Variants in CACNG4 observed in about 807,000 individuals in gnomAD.
The protein encoded by CACNG4 is voltage-dependent calcium channel gamma-4 subunit.
CACNG4 carries 8 observed loss-of-function variants against 22.9 expected under a neutral mutation model. The ratio of observed to expected loss-of-function variants is 0.35; its 90% confidence interval spans 0.21 to 0.63. CACNG4 has a LOEUF of 0.63. Among genes scored for constraint, CACNG4 ranks in the 30% least tolerant of loss-of-function variants. CACNG4 has a pLI of 0.72. For synonymous variants in CACNG4, 188 were observed against 191.9 expected (o/e 0.98, Z 0.17); for missense variants, 357 against 455.4 (o/e 0.78, Z 1.97).
At chr17:67,006,002 C>T (rs1162658356) in intron 1 of CACNG4, among the ~76,000 whole-genome samples, 3 of 152,138 alleles carry the variant, frequency 2.0e-5, no homozygotes, top group South Asian at 2.1e-4. Flanking sequence ...CCAAGGGGCC[C>T]GACATTATCC....
rs372072866 is a variant in CACNG4, at chr17:67,024,966, C to T, written c.411C>T (p.Ile137=). The T allele has an allele frequency of 8.9e-5, 143 of 1,604,730 alleles. 1 individual carries two copies. Among genetic ancestry groups the T allele is most frequent in the South Asian group, 1.2e-4 (11 of 89,580 alleles). ...AGRIYSRKNN[I]VLSAGILFVA... is the part of the protein sequence containing the mutation. ...GGATCTACAGCCGCAAGAACAACAT[C>T]GTCCTCAGTGCCGGCATCCTCTTCG... The change falls in exon 3 of 4, where the codon ATC becomes ATT. Residue 137 remains isoleucine (I), a synonymous_variant. Coordinates refer to ENST00000262138, the MANE Select transcript of CACNG4 (RefSeq NM_014405.4).
chr17:66,980,838 C>CAT (rs2035267942), intron 1 of CACNG4, among the ~76,000 whole-genome samples: 4 of 152,022 alleles, frequency 2.6e-5, no homozygotes, highest in Non-Finnish European at 5.9e-5. Flanking sequence ...AGGCTGGTCT[C>CAT]AAACTCCTGA....
In CACNG4 at chr17:67,031,439, C is replaced by A; in HGVS notation, c.*435C>A. On this transcript the variant is annotated 3_prime_UTR_variant, in exon 4 of 4. Transcript: ENST00000262138. The surrounding 1 kb of genome is among the most constrained non-coding windows in gnomAD (Gnocchi z 4.0). Reference sequence around the variant, plus strand: ...AAGGCTCTGCCGGACGCCAAGAAGACGGTCTCTGGGCTCTTGTCAGCTGCT... The same window carrying A: ...AAGGCTCTGCCGGACGCCAAGAAGAAGGTCTCTGGGCTCTTGTCAGCTGCT... The A allele has an allele frequency of 2.2e-6, 1 of 460,552 alleles. No homozygotes were observed. 28.5% of individuals were successfully genotyped at this position (460,552 alleles called of 1,614,324 possible).
intron 1 of CACNG4, among the ~76,000 whole-genome samples, chr17:66,998,056 G>A (rs2035385911): frequency 6.6e-6 from 1 of 152,162 alleles, no homozygotes; most frequent in Non-Finnish European, 1.5e-5. Flanking sequence ...AAAGCTCAAG[G>A]ATGTTGGACT....
chr17:66,985,780 C>T (rs1302327415), intron 1 of CACNG4, among the ~76,000 whole-genome samples: 5 of 152,146 alleles, frequency 3.3e-5, no homozygotes, highest in African/African-American at 7.2e-5. Context: ...CCATCTGTTA[C>T]GATTCTGTGT....
chr17:67,004,057 G>A (rs1033036019), intron 1 of CACNG4, among the ~76,000 whole-genome samples: 4 of 152,160 alleles, frequency 2.6e-5, no homozygotes, highest in African/African-American at 7.2e-5. Context: ...GCAAACCAAC[G>A]GAAAAGCTGA....
chr17:67,002,599 C>G (rs2035414528), intron 1 of CACNG4, among the ~76,000 whole-genome samples: 2 of 148,598 alleles, frequency 1.3e-5, no homozygotes, highest in African/African-American at 5.0e-5. Context: ...CTGGCTCTCT[C>G]CACCTCTCAT....
At chr17:67,009,260 C>G (rs1162662875) in intron 1 of CACNG4, among the ~76,000 whole-genome samples, 1 of 152,142 alleles carries the variant, frequency 6.6e-6, no homozygotes, top group East Asian at 1.9e-4. Flanking sequence ...CATGGAACCC[C>G]CCAGTGTATG....
intron 1 of CACNG4, among the ~76,000 whole-genome samples, chr17:67,004,129 G>C (rs1269894410): frequency 1.3e-5 from 2 of 152,110 alleles, no homozygotes; most frequent in Non-Finnish European, 2.9e-5. Flanking sequence ...AAAAAAGAAA[G>C]AAAGAAATGA....
At chr17:66,999,650 C>T (rs184547798) in intron 1 of CACNG4, among the ~76,000 whole-genome samples, 54 of 152,232 alleles carry the variant, frequency 3.5e-4, no homozygotes, top group African/African-American at 1.2e-3. Flanking sequence ...GAGAACACCA[C>T]GGGGGGAAAC....
At chr17:66,978,617 G>A (rs2035252435) in intron 1 of CACNG4, among the ~76,000 whole-genome samples, 2 of 152,196 alleles carry the variant, frequency 1.3e-5, no homozygotes, top group African/African-American at 2.4e-5. Flanking sequence ...ATTAACATGC[G>A]ATGGGGGAGG....
chr17:67,030,984 C>T lies in CACNG4; in HGVS notation c.964C>T (p.Arg322Ter). 6.2e-7 allele frequency: 1 copy of T among 1,612,310 alleles called. No individual in the cohort carries two copies. The highest frequency in any genetic ancestry group is 8.5e-7 in the Non-Finnish European group (1 of 1,178,750). The change falls in exon 4 of 4, where the codon CGA (arginine) becomes TGA (stop). Residue 322 changes from arginine (R) to a stop codon, truncating the protein, a stop_gained. Coordinates refer to ENST00000262138, the MANE Select transcript of CACNG4 (RefSeq NM_014405.4). LOFTEE classifies it high-confidence loss of function. The surrounding 1 kb of genome is among the most constrained non-coding windows in gnomAD (Gnocchi z 6.4). ...AGGTTTCCACGTCAGCATGCTGAAC[C>T]GACGGACGACCCCTGTGTGAGCCGC... ...KEGFHVSMLNRRTTPV is the reference protein window; with the variant it reads ...KEGFHVSMLN
intron 2 of CACNG4, 120 bp from the exon 3 acceptor site, chr17:67,024,740 A>C: frequency 9.8e-6 from 11 of 1,121,092 alleles, no homozygotes; most frequent in Non-Finnish European, 1.3e-5. Flanking sequence ...CCTGATGGGA[A>C]TCTCAAATCC....
intron 1 of CACNG4, among the ~76,000 whole-genome samples, chr17:66,999,881 G>A (rs530134498): frequency 1.4e-4 from 22 of 152,348 alleles, no homozygotes; most frequent in Admixed American, 6.5e-4. Context: ...GTCTGAGTGC[G>A]CGGCCTCCCG....
intron 1 of CACNG4, among the ~76,000 whole-genome samples, chr17:67,008,548 G>A (rs532045908): frequency 5.9e-5 from 9 of 152,250 alleles, no homozygotes; most frequent in South Asian, 2.1e-4. Flanking sequence ...GGGCCTGACC[G>A]GTGCCTCTGC....
At position 67,024,825 on chromosome 17, in the gene CACNG4, G is replaced by A. The variant is rs754888309; in HGVS notation, c.305-35G>A. The A allele has an allele frequency of 4.0e-6, 6 of 1,489,918 alleles. No homozygotes were observed. In the South Asian group the frequency reaches 6.7e-5, roughly 17 times the overall value. 92.3% of individuals were successfully genotyped at this position (1,489,918 alleles called of 1,614,324 possible). A position where few individuals can be genotyped will look rare whatever the true frequency, so the allele number is the denominator to read the frequency against. On this transcript the variant is annotated intron_variant, in intron 2 of 3. Coordinates refer to ENST00000262138, the MANE Select transcript of CACNG4 (RefSeq NM_014405.4). ...GCCCGGGAGGGCACCTGATCTCACT[G>A]CCCTCTGCTTTGTGCCCCCCACCTC...
intron 2 of CACNG4, 84 bp downstream of exon 2, chr17:67,018,356 G>A (rs1190868904): frequency 3.2e-6 from 3 of 942,226 alleles, no homozygotes; most frequent in East Asian, 2.4e-5. Flanking sequence ...GAGACACTGG[G>A]CATGGAGAGG....
chr17:66,980,806 A>G (rs2035267749), intron 1 of CACNG4, among the ~76,000 whole-genome samples: 1 of 151,584 alleles, frequency 6.6e-6, no homozygotes, highest in Non-Finnish European at 1.5e-5. Flanking sequence ...TTCAGTAGAG[A>G]CAGGGTTTCA....
At chr17:67,029,877 G>GC (rs757762080) in intron 3 of CACNG4, among the ~76,000 whole-genome samples, 141 of 152,332 alleles carry the variant, frequency 9.3e-4, no homozygotes, top group Non-Finnish European at 1.7e-3. Context: ...CAGTTTCACT[G>GC]CAAGGAATGC....
Sources: gnomAD v4.1 joint callset for allele counts (sites outside exome capture counted in the v4.1 genomes callset) on GRCh38, gnomAD v4.1.1 for gene constraint, Gnocchi (gnomAD v3.1) non-coding constraint, MANE v1.5 for transcripts, NCBI Gene and HGNC (gene_info 2026-07-23, HGNC 2026-07-21) for gene names.